The following MAN1A2 variants were observed in gnomAD, a reference collection of about 807,000 sequenced individuals.
MAN1A2 encodes the protein mannosyl-oligosaccharide 1,2-alpha-mannosidase IB.
MAN1A2 carries 26 observed loss-of-function variants against 75.7 expected under a neutral mutation model. That is an observed-to-expected ratio of 0.34 (90% CI 0.25 to 0.48). The LOEUF (loss-of-function observed/expected upper bound fraction) is 0.48, where lower values mean the gene tolerates loss of function less well. Ranked by LOEUF, MAN1A2 falls within the 20% of genes least tolerant of loss-of-function variation. The pLI, the probability that MAN1A2 is intolerant of heterozygous loss-of-function variation, is 0.99. For synonymous variants in MAN1A2, 247 were observed against 264.6 expected, an observed-to-expected ratio of 0.93 and a Z score of 0.65; for missense variants, 562 against 775.5, an observed-to-expected ratio of 0.72 and a Z score of 3.27.
At chr1:117,453,408 G>A (rs1259323291) in intron 6 of MAN1A2, among the ~76,000 whole-genome samples, 1 of 152,172 alleles carries the variant, frequency 6.6e-6, no homozygotes, top group Non-Finnish European at 1.5e-5. Flanking sequence ...ATGAGAGGAG[G>A]TCAAAGTATC....
rs368115462 is a variant in MAN1A2, at chr1:117,524,012, G to A, written c.*1055G>A. ...AACTTACTAAAGCAGAACAAACAGT[G>A]AAACTTTCTAAAATATTCTATCTGG... On this transcript the variant is annotated 3_prime_UTR_variant, in exon 13 of 13. Coordinates refer to ENST00000356554, the MANE Select transcript of MAN1A2 (RefSeq NM_006699.5). The A allele has an allele frequency of 4.6e-5, 7 of 152,276 alleles. 1 individual carries two copies. In the South Asian group the frequency reaches 1.5e-3, roughly 32 times the overall value. The allele number at this position is 152,276 out of a possible 1,614,324, so 9.4% of individuals were successfully genotyped here. A position where few individuals can be genotyped will look rare whatever the true frequency, so the allele number is the denominator to read the frequency against.
chr1:117,521,877 G>A (rs755745767), intron 12 of MAN1A2, among the ~76,000 whole-genome samples: 2 of 151,908 alleles, frequency 1.3e-5, no homozygotes, highest in Non-Finnish European at 2.9e-5. Context: ...AACAGCATTT[G>A]CAGTGACCTG....
intron 6 of MAN1A2, among the ~76,000 whole-genome samples, chr1:117,455,744 T>C (rs2101829532): frequency 6.6e-6 from 1 of 152,132 alleles, no homozygotes; most frequent in Non-Finnish European, 1.5e-5. Flanking sequence ...AACAGATTGC[T>C]TTGGTACTGA....
chr1:117,520,845 G>A (rs550698167), intron 12 of MAN1A2, among the ~76,000 whole-genome samples: 175 of 152,078 alleles, frequency 1.2e-3, no homozygotes, highest in African/African-American at 3.8e-3. Context: ...AACAAAAAAA[G>A]AGCCTACATA....
Position 117,429,685 on chromosome 1 carries a change from G to A in MAN1A2, c.855+9036G>A, listed in dbSNP as rs1194061219. Among the ~76,000 whole-genome samples, 7 of 108,426 alleles carry A rather than the reference G, an allele frequency of 6.5e-5. No homozygotes were observed. In the East Asian group the frequency reaches 1.1e-3, roughly 18 times the overall value. The allele number at this position is 108,426 out of a possible 152,430, so 71.1% of individuals were successfully genotyped here. On this transcript the variant is annotated intron_variant, in intron 5 of 12. Transcript: ENST00000356554. The stretch of plus-strand genomic sequence containing the variant: ...CAGAGGCGCCCCTCACCTCCTGGAC[G>A]GGGTGGCTGGCCGGGCAGGGGGGCT...
intron 8 of MAN1A2, among the ~76,000 whole-genome samples, chr1:117,486,962 A>G (rs1398939980): frequency 6.6e-6 from 1 of 152,082 alleles, no homozygotes; most frequent in Non-Finnish European, 1.5e-5. Flanking sequence ...ACCTTGGAGA[A>G]GAGAGCTGAG....
At chr1:117,517,106 G>C (rs901212059) in intron 12 of MAN1A2, among the ~76,000 whole-genome samples, 3 of 152,116 alleles carry the variant, frequency 2.0e-5, no homozygotes, top group African/African-American at 7.2e-5. Context: ...CAATAGTGGG[G>C]AATAACCTGC....
At chr1:117,513,704 A>G (rs1261924119) in intron 12 of MAN1A2, among the ~76,000 whole-genome samples, 2 of 152,106 alleles carry the variant, frequency 1.3e-5, no homozygotes, top group Non-Finnish European at 2.9e-5. Flanking sequence ...TGGTGCTTCT[A>G]AAAGCAGAAA....
In MAN1A2 at chr1:117,499,436, C is replaced by T. The variant is rs376476807; in HGVS notation, c.1559C>T (p.Ala520Val). 6.2e-6 allele frequency: 10 copies of T among 1,604,476 alleles called. No homozygotes were observed. The highest frequency in any genetic ancestry group is 8.5e-7 in the Non-Finnish European group (1 of 1,175,774). The part of the protein sequence containing the change: ...FKFDGAVEAV[A>V]VRQAEKYYIL... ...TTTGATGGTGCAGTGGAGGCTGTGG[C>T]TGTCCGGCAGGCTGAAAAGTATTAT... Residue 520 changes from alanine (A) to valine (V), a missense_variant, in exon 11 of 13, where the codon GCT (alanine) becomes GTT (valine). Physicochemically the swap from Ala to Val is moderately conservative, Grantham distance 64 (BLOSUM62 0). Transcript: ENST00000356554.
chr1:117,402,498 CAAAT>C, intron 2 of MAN1A2, 57 bp downstream of exon 2: 1 of 1,426,994 alleles, frequency 7.0e-7, no homozygotes, highest in Non-Finnish European at 9.5e-7. Flanking sequence ...TGGATACAAA[CAAAT>C]ATATATAATC....
intron 8 of MAN1A2, among the ~76,000 whole-genome samples, chr1:117,473,061 A>G (rs1650210117): frequency 6.6e-6 from 1 of 152,008 alleles, no homozygotes; most frequent in South Asian, 2.1e-4. Context: ...CTGTACTCAT[A>G]TATCCAATTA....
chr1:117,511,475 T>C (rs1261454462), intron 12 of MAN1A2, among the ~76,000 whole-genome samples: 1 of 151,948 alleles, frequency 6.6e-6, no homozygotes, highest in Non-Finnish European at 1.5e-5. Context: ...ATGCTCAGCC[T>C]AGATGGATTT....
chr1:117,368,689 G>A (rs1652853761), intron 1 of MAN1A2, among the ~76,000 whole-genome samples: 1 of 152,034 alleles, frequency 6.6e-6, no homozygotes, highest in Admixed American at 6.5e-5. Context: ...TAGACTGGTA[G>A]GACTGGAGTC....
chr1:117,389,103 T>C (rs992495215), intron 1 of MAN1A2, among the ~76,000 whole-genome samples: 4 of 152,198 alleles, frequency 2.6e-5, no homozygotes, highest in Non-Finnish European at 4.4e-5. Flanking sequence ...GAATGACTAC[T>C]TAAAATACCA....
chr1:117,385,179 G>A (rs1197377208), intron 1 of MAN1A2, among the ~76,000 whole-genome samples: 1 of 152,112 alleles, frequency 6.6e-6, no homozygotes, highest in Non-Finnish European at 1.5e-5. Context: ...TTTCTCAGTA[G>A]ATCCCTGCAG....
intron 8 of MAN1A2, among the ~76,000 whole-genome samples, chr1:117,483,279 G>A (rs1229887789): frequency 6.6e-6 from 1 of 152,118 alleles, no homozygotes; most frequent in African/African-American, 2.4e-5. Context: ...TGTGAAGAAA[G>A]TCATTGGTAG....
At chr1:117,407,766 G>A (rs1459597232) in intron 3 of MAN1A2, among the ~76,000 whole-genome samples, 1 of 152,020 alleles carries the variant, frequency 6.6e-6, no homozygotes, top group African/African-American at 2.4e-5. Context: ...TTTTACCTGA[G>A]CTTTTTTACT....
At chr1:117,455,895 T>G (rs1649567748) in intron 6 of MAN1A2, among the ~76,000 whole-genome samples, 1 of 152,006 alleles carries the variant, frequency 6.6e-6, no homozygotes, top group African/African-American at 2.4e-5. Flanking sequence ...AAATCAGACT[T>G]CATTTTAAAA....
At chr1:117,449,550 C>T (rs1297145339) in intron 6 of MAN1A2, among the ~76,000 whole-genome samples, 4 of 141,496 alleles carry the variant, frequency 2.8e-5, no homozygotes, top group African/African-American at 1.1e-4. Context: ...CAGAGCCAGA[C>T]CCTGTCTCAA....
Sources: gnomAD v4.1 joint callset for allele counts (sites outside exome capture counted in the v4.1 genomes callset) on GRCh38, gnomAD v4.1.1 for gene constraint, MANE v1.5 for transcripts, NCBI Gene and HGNC (gene_info 2026-07-23, HGNC 2026-07-21) for gene names.